Variants in CCDC178 observed in about 807,000 individuals in gnomAD.
CCDC178 encodes the protein coiled-coil domain-containing protein 178.
A neutral mutation model predicts 117.4 loss-of-function variants in CCDC178; 126 were observed. The observed-to-expected ratio is 1.07, with a 90% confidence interval of 0.93 to 1.24. CCDC178 has a LOEUF of 1.24. CCDC178 is among the 50% of genes most tolerant of loss of function. The pLI is 0.00. For missense variants in CCDC178, 1,030 were observed against 986.9 expected (o/e 1.04, Z -0.59); for synonymous variants, 283 against 313.4 (o/e 0.90, Z 1.02).
chr18:33,100,972 TA>T (rs1384759006), intron 20 of CCDC178, among the ~76,000 whole-genome samples: 1 of 151,946 alleles, frequency 6.6e-6, no homozygotes, highest in Non-Finnish European at 1.5e-5. Flanking sequence ...TTTTCTAAAT[TA>T]AAGGACATTA....
intron 20 of CCDC178, among the ~76,000 whole-genome samples, chr18:33,179,261 T>TA (rs2058706636): frequency 6.7e-6 from 1 of 150,024 alleles, no homozygotes; most frequent in African/African-American, 2.4e-5. Flanking sequence ...TACAGTTTTG[T>TA]AAAAAATATA....
At chr18:33,388,555 T>C (rs539340600) in intron 5 of CCDC178, among the ~76,000 whole-genome samples, 1 of 49,274 alleles carries the variant, frequency 2.0e-5, no homozygotes, top group East Asian at 7.7e-4. Flanking sequence ...AGTCTCGCTC[T>C]GTCGCCCAGG....
At chr18:33,019,785 G>T (rs1161470048) in intron 21 of CCDC178, among the ~76,000 whole-genome samples, 1 of 151,806 alleles carries the variant, frequency 6.6e-6, no homozygotes, top group African/African-American at 2.4e-5. Flanking sequence ...ATCAAATCAC[G>T]AAGACTCTTT....
chr18:33,339,990 T>C (rs1255892670), intron 9 of CCDC178, among the ~76,000 whole-genome samples: 2 of 152,194 alleles, frequency 1.3e-5, no homozygotes, highest in East Asian at 3.9e-4. Context: ...ACTTTGGAAC[T>C]TGGTAACAGG....
chr18:33,422,847 T>C (rs981647130), intron 2 of CCDC178, among the ~76,000 whole-genome samples: 10 of 152,184 alleles, frequency 6.6e-5, no homozygotes, highest in Non-Finnish European at 1.0e-4. Flanking sequence ...TTGCTCTCTG[T>C]CTATTAAAGT....
At chr18:32,972,150 G>A (rs947723854) in intron 22 of CCDC178, among the ~76,000 whole-genome samples, 1 of 151,854 alleles carries the variant, frequency 6.6e-6, no homozygotes, top group Non-Finnish European at 1.5e-5. Context: ...TTACGGCTTT[G>A]GGTTCTACAT....
intron 11 of CCDC178, among the ~76,000 whole-genome samples, chr18:33,310,872 A>T (rs1039404263): frequency 6.6e-6 from 1 of 152,108 alleles, no homozygotes; most frequent in Non-Finnish European, 1.5e-5. Flanking sequence ...CTGCCTACCA[A>T]TCGCCCTTGG....
At chr18:33,284,545 A>T (rs537296059) in intron 12 of CCDC178, among the ~76,000 whole-genome samples, 1 of 152,258 alleles carries the variant, frequency 6.6e-6, no homozygotes, top group East Asian at 1.9e-4. Context: ...CTGTGTGTTT[A>T]TATACAAAAA....
At chr18:32,984,289 T>C (rs979935975) in intron 21 of CCDC178, among the ~76,000 whole-genome samples, 3 of 90,928 alleles carry the variant, frequency 3.3e-5, no homozygotes, top group Non-Finnish European at 5.0e-5. Flanking sequence ...GAGAGAAAGC[T>C]GATCTACACA....
At chr18:33,328,098 T>TG (rs770081406) in intron 10 of CCDC178, 34 of 172,274 alleles carry the variant, frequency 2.0e-4, no homozygotes, top group Non-Finnish European at 2.5e-4. Flanking sequence ...TTTTTTTTTT[T>TG]TTTTTTTTTT....
chr18:32,996,108 T>C (rs143117072), intron 21 of CCDC178, among the ~76,000 whole-genome samples: 1 of 151,960 alleles, frequency 6.6e-6, no homozygotes, highest in African/African-American at 2.4e-5. Flanking sequence ...CTTTATGGTT[T>C]AAGTAAAAAT....
At chr18:33,003,660 A>C (rs2055689317) in intron 21 of CCDC178, among the ~76,000 whole-genome samples, 1 of 152,170 alleles carries the variant, frequency 6.6e-6, no homozygotes, top group African/African-American at 2.4e-5. Flanking sequence ...GTTATTCAAC[A>C]TAGCACTGGA....
chr18:33,301,451 T>A (rs2062175806), intron 11 of CCDC178, among the ~76,000 whole-genome samples: 1 of 152,244 alleles, frequency 6.6e-6, no homozygotes, highest in Non-Finnish European at 1.5e-5. Flanking sequence ...GGAAGATGGC[T>A]GCTACCCTTC....
intron 21 of CCDC178, among the ~76,000 whole-genome samples, chr18:33,048,771 A>T (rs1044159311): frequency 1.3e-4 from 20 of 152,226 alleles, no homozygotes; most frequent in African/African-American, 4.6e-4. Context: ...AAAAATAGAT[A>T]GTGAAAAAGA....
intron 20 of CCDC178, among the ~76,000 whole-genome samples, chr18:33,147,240 C>A (rs956559488): frequency 1.3e-5 from 2 of 149,662 alleles, no homozygotes; most frequent in African/African-American, 4.9e-5. Context: ...AGGGCCCAGT[C>A]TCTCTGCTTC....
intron 2 of CCDC178, among the ~76,000 whole-genome samples, chr18:33,422,266 T>C (rs1285322933): frequency 6.6e-6 from 1 of 152,196 alleles, no homozygotes; most frequent in Non-Finnish European, 1.5e-5. Context: ...AGAAATGCTT[T>C]TTTTCCCCAA....
At chr18:33,230,563 G>T (rs917532867) in intron 15 of CCDC178, among the ~76,000 whole-genome samples, 2 of 152,048 alleles carry the variant, frequency 1.3e-5, no homozygotes, top group African/African-American at 2.4e-5. Context: ...TGATCTCTAG[G>T]TTGGGGAATT....
intron 20 of CCDC178, among the ~76,000 whole-genome samples, chr18:33,122,448 A>G (rs2057949363): frequency 6.6e-6 from 1 of 152,124 alleles, no homozygotes; most frequent in Admixed American, 6.6e-5. Flanking sequence ...ACTACATTTT[A>G]TATTTATGTA....
intron 14 of CCDC178, among the ~76,000 whole-genome samples, chr18:33,258,955 C>G (rs1203615619): frequency 6.6e-6 from 1 of 151,968 alleles, no homozygotes; most frequent in Non-Finnish European, 1.5e-5. Context: ...ATATTTTCTC[C>G]TGAAAATATT....
Sources: gnomAD v4.1 joint callset for allele counts (sites outside exome capture counted in the v4.1 genomes callset) on GRCh38, gnomAD v4.1.1 for gene constraint, MANE v1.5 for transcripts, NCBI Gene and HGNC (gene_info 2026-07-23, HGNC 2026-07-21) for gene names.